Variants in ESPL1 observed in about 807,000 individuals in gnomAD.
The protein encoded by ESPL1 is separin.
A neutral mutation model predicts 217.2 loss-of-function variants in ESPL1; 50 were observed. The ratio of observed to expected loss-of-function variants is 0.23; its 90% confidence interval spans 0.18 to 0.29. The LOEUF is 0.29. ESPL1 is among the 10% of genes least tolerant of loss of function. ESPL1 has a pLI of 1.00. For missense variants in ESPL1, 1,834 were observed against 2,603.0 expected (o/e 0.70, Z 6.43); for synonymous variants, 994 against 1,081.3 (o/e 0.92, Z 1.58).
At chr12:53,276,118 G>A (rs1016598440) in intron 7 of ESPL1, among the ~76,000 whole-genome samples, 1 of 152,072 alleles carries the variant, frequency 6.6e-6, no homozygotes, top group Admixed American at 6.6e-5. Context: ...TGAAGTGGGA[G>A]GATCACATGA....
rs747596302 is a variant in ESPL1 at position 53,289,441 on chromosome 12, G to A, written c.4960G>A (p.Asp1654Asn). 6.2e-7 allele frequency: 1 copy of A among 1,614,084 alleles called. No homozygotes were observed. Among genetic ancestry groups the A allele is most frequent in the African/African-American group, 1.3e-5 (1 of 75,074 alleles). The stretch of plus-strand genomic sequence containing the variant: ...GCACCGAGGATCACTTGAAATAGCA[G>A]ACCAGCTGCAGGGGCTGAGCCTTCA... ...QKHRGSLEIA[D>N]QLQGLSLQEM... Residue 1654 changes from aspartate (D) to asparagine (N), a missense_variant, in exon 22 of 31, where the codon GAC becomes AAC. Physicochemically the swap from Asp to Asn is conservative, Grantham distance 23. Transcript: ENST00000257934.
rs1944088348 is a variant in ESPL1 at position 53,292,961 on chromosome 12, T to C, written c.6152T>C (p.Met2051Thr). 6.2e-7 allele frequency: 1 copy of C among 1,613,324 alleles called. No homozygotes were observed. The highest frequency in any genetic ancestry group is 8.5e-7 in the Non-Finnish European group (1 of 1,179,866). ...EGAGIVLKYI[M>T]AGCPLFLGNL... ...GCTGGCATCGTGCTCAAGTACATCA[T>C]GGCTGGTTGGTGAGTCTCCAAGGGC... Residue 2051 changes from methionine (M) to threonine (T), a missense_variant, in exon 30 of 31, where the codon ATG becomes ACG. Physicochemically the swap from Met to Thr is moderately conservative, Grantham distance 81 (BLOSUM62 -1). Transcript: ENST00000257934. The surrounding 1 kb of genome is among the most constrained non-coding windows in gnomAD (Gnocchi z 4.5).
rs1260204621 is a variant in ESPL1, at chr12:53,276,622, C to G, written c.1703C>G (p.Thr568Ser). The G allele has an allele frequency of 6.2e-7, 1 of 1,608,504 alleles. No individual in the cohort carries two copies. The highest frequency in any genetic ancestry group is 8.5e-7 in the Non-Finnish European group (1 of 1,177,994). The change falls in exon 8 of 31, where the codon ACT becomes AGT. Residue 568 changes from threonine (T) to serine (S), a missense_variant and splice_region_variant. Thr to Ser is a moderately conservative substitution (Grantham distance 58). This residue lies in a region of ESPL1 where 746 missense variants were observed against 1,077.0 expected (regional missense o/e 0.69). Coordinates refer to ENST00000257934, the MANE Select transcript of ESPL1 (RefSeq NM_012291.5). Reference protein sequence around the residue: ...RAGDKELQLKTLRDSLSGWDP... With the variant: ...RAGDKELQLKSLRDSLSGWDP... ...GTGCTGAGCATGCCCTCTCTCAGGA[C>G]TCTGCGAGACAGCCTCAGTGGCTGG...
chr12:53,289,959 T>TGACCTC, intron 22 of ESPL1, 126 bp from the exon 23 acceptor site: 1 of 1,036,452 alleles, frequency 9.6e-7, no homozygotes, highest in Non-Finnish European at 1.4e-6. Flanking sequence ...GAGAGCACCT[T>TGACCTC]GACCTCTAGT....
chr12:53,278,643 G>A (rs1943811916), intron 11 of ESPL1, among the ~76,000 whole-genome samples: 1 of 149,258 alleles, frequency 6.7e-6, no homozygotes, highest in South Asian at 2.1e-4. Flanking sequence ...CCAGGCTGGA[G>A]TGCAGTGGCG....
chr12:53,278,894 C>T (rs962350487), intron 11 of ESPL1, among the ~76,000 whole-genome samples: 3 of 151,370 alleles, frequency 2.0e-5, no homozygotes, highest in East Asian at 2.0e-4. Context: ...CTTTCCGCCC[C>T]GCCCCCCCGC....
rs1943780736 is a variant in ESPL1, at chr12:53,277,136, C to T, written c.1994C>T (p.Pro665Leu). ...EALQLLDSVR[P>L]EAQARDQLLD... ...CTGCAGCTTCTGGACTCTGTGAGGC[C>T]TGAGGCCCAGGCCAGAGATCAGCTT... Residue 665 changes from proline (P) to leucine (L), a missense_variant, in exon 9 of 31, where the codon CCT becomes CTT. Pro to Leu is a moderately conservative substitution (Grantham distance 98). Transcript: ENST00000257934. The T allele has an allele frequency of 1.2e-6, 2 of 1,614,042 alleles. No individual in the cohort carries two copies. Among genetic ancestry groups the T allele is most frequent in the Non-Finnish European group, 8.5e-7 (1 of 1,179,990 alleles).
chr12:53,268,910 C>T, intron 2 of ESPL1, 63 bp downstream of exon 2: 2 of 1,524,034 alleles, frequency 1.3e-6, no homozygotes, highest in Non-Finnish European at 1.8e-6. Flanking sequence ...TTGTGTTTGC[C>T]TTTTGAAGAG....
In ESPL1 at chr12:53,292,564, T is replaced by C. The variant is rs1224059385; in HGVS notation, c.5913-10T>C. ...ATTTCCCTATTCTCACACCTGCCTT[T>C]TCCCTGCAGTGAAGCTGGCTGGAGA... is the stretch of plus-strand genomic sequence containing the variant. On this transcript the variant is annotated splice_polypyrimidine_tract_variant and intron_variant, in intron 28 of 30. Transcript: ENST00000257934. This position sits in a 1 kb window ranked among gnomAD's most constrained non-coding sequence, Gnocchi z 4.5. 5 of 1,610,524 alleles carry C rather than the reference T, an allele frequency of 3.1e-6. No individual in the cohort carries two copies. The highest frequency in any genetic ancestry group is 3.4e-6 in the Non-Finnish European group (4 of 1,179,056).
rs528006780 is a variant in ESPL1, at chr12:53,282,575, A to C, written c.2791+140A>C. On this transcript the variant is annotated intron_variant, in intron 14 of 30. Transcript: ENST00000257934. The surrounding 1 kb of genome is among the most constrained non-coding windows in gnomAD (Gnocchi z 4.0). Reference sequence around the variant, plus strand: ...AACCTGCACAGAGTAGGCCTGGGATAGCAGATGGGTTTCAGTTTGCCTGCT... The same window carrying C: ...AACCTGCACAGAGTAGGCCTGGGATCGCAGATGGGTTTCAGTTTGCCTGCT... The C allele has an allele frequency of 1.3e-5, 9 of 716,382 alleles. No individual in the cohort carries two copies. The highest frequency in any genetic ancestry group is 3.6e-5 in the African/African-American group (2 of 56,316). 44.4% of individuals were successfully genotyped at this position (716,382 alleles called of 1,614,324 possible).
chr12:53,287,721 T>G, intron 18 of ESPL1: 1 of 385,008 alleles, frequency 2.6e-6, no homozygotes, highest in Non-Finnish European at 4.7e-6. Context: ...GACAGAGACA[T>G]TTTCCTTAAC....
Position 53,270,661 on chromosome 12 carries a change from CCTT to C in ESPL1, c.1249-13_1249-11del. On this transcript the variant is annotated splice_polypyrimidine_tract_variant and intron_variant, in intron 4 of 30. Transcript: ENST00000257934. ...CCAGCATGACTCCTCACTCTCAAAC[CCTT>C]CTTGTCCCTTCAGATAGTTGATTTG... 6.2e-7 allele frequency: 1 copy of C among 1,614,008 alleles called. No individual in the cohort carries two copies. Among genetic ancestry groups the C allele is most frequent in the Non-Finnish European group, 8.5e-7 (1 of 1,179,964 alleles).
chr12:53,292,977 C>A lies in ESPL1; in HGVS notation c.6161+7C>A. The stretch of plus-strand genomic sequence containing the variant: ...AGTACATCATGGCTGGTTGGTGAGT[C>A]TCCAAGGGCAAGACCCATCCTAGGG... On this transcript the variant is annotated splice_region_variant and intron_variant, in intron 30 of 30. Transcript: ENST00000257934. This position sits in a 1 kb window ranked among gnomAD's most constrained non-coding sequence, Gnocchi z 4.5. 6.2e-7 allele frequency: 1 copy of A among 1,611,430 alleles called. No homozygotes were observed. The highest frequency in any genetic ancestry group is 8.5e-7 in the Non-Finnish European group (1 of 1,179,120).
At chr12:53,273,015 G>C (rs1435527498) in intron 6 of ESPL1, among the ~76,000 whole-genome samples, 158 bp downstream of exon 6, 2 of 149,744 alleles carry the variant, frequency 1.3e-5, no homozygotes, top group East Asian at 2.0e-4. Flanking sequence ...TCACTGTACT[G>C]TTACTTACTG....
chr12:53,288,852 A>C, intron 20 of ESPL1, 153 bp downstream of exon 20: 1 of 744,606 alleles, frequency 1.3e-6, no homozygotes, highest in Non-Finnish European at 2.2e-6. Context: ...AGCTGTGTGC[A>C]GGTCACTTAA....
At position 53,286,211 on chromosome 12, in the gene ESPL1, G is replaced by C; in HGVS notation, c.3475G>C (p.Val1159Leu). 6.2e-7 allele frequency: 1 copy of C among 1,614,282 alleles called. No individual in the cohort carries two copies. The highest frequency in any genetic ancestry group is 8.5e-7 in the Non-Finnish European group (1 of 1,180,054). ...CTGCGCCAGCCCTGTCCTCACAGCAGTCTGTCTGCGCTGGGTATTGGTCAC... is the reference window on the plus strand; with the variant it reads ...CTGCGCCAGCCCTGTCCTCACAGCACTCTGTCTGCGCTGGGTATTGGTCAC... The part of the protein sequence containing the change: ...SLCASPVLTA[V>L]CLRWVLVTAG... The change falls in exon 18 of 31, where the codon GTC (valine) becomes CTC (leucine). Residue 1159 changes from valine to leucine, a missense_variant. Val to Leu is a conservative substitution (Grantham distance 32). Transcript: ENST00000257934. The surrounding 1 kb of genome is among the most constrained non-coding windows in gnomAD (Gnocchi z 5.3).
chr12:53,269,106 G>A lies in ESPL1; in HGVS notation c.164G>A (p.Arg55Lys). The A allele has an allele frequency of 6.2e-7, 1 of 1,614,138 alleles. No homozygotes were observed. The highest frequency in any genetic ancestry group is 8.5e-7 in the Non-Finnish European group (1 of 1,180,038). ...ERRQACDAIL[R>K]ACNQQLTAKL... The stretch of plus-strand genomic sequence containing the variant: ...AGACAAGCTTGTGATGCCATCCTGA[G>A]GGCTTGCAACCAGCAGCTGACTGCT... Residue 55 changes from arginine to lysine, a missense_variant, in exon 3 of 31, where the codon AGG becomes AAG. Physicochemically the swap from Arg to Lys is conservative, Grantham distance 26 (BLOSUM62 2). This residue lies in a region of ESPL1 where 746 missense variants were observed against 1,077.0 expected (regional missense o/e 0.69). Transcript: ENST00000257934. This position sits in a 1 kb window ranked among gnomAD's most constrained non-coding sequence, Gnocchi z 6.7.
chr12:53,271,270 C>G (rs1943668692), intron 5 of ESPL1, among the ~76,000 whole-genome samples: 1 of 149,130 alleles, frequency 6.7e-6, no homozygotes, highest in African/African-American at 2.5e-5. Flanking sequence ...ACCTCCCAGG[C>G]TCAAGCGATC....
intron 6 of ESPL1, among the ~76,000 whole-genome samples, chr12:53,273,868 G>T (rs1481120777): frequency 3.7e-5 from 2 of 53,964 alleles, no homozygotes; most frequent in Non-Finnish European, 3.3e-5. Flanking sequence ...TTTTTTTTTG[G>T]AGACTGAGTC....
Sources: gnomAD v4.1 joint callset for allele counts (sites outside exome capture counted in the v4.1 genomes callset) on GRCh38, gnomAD v4.1.1 for gene constraint, gnomAD v4.1.1 regional missense constraint, Gnocchi (gnomAD v3.1) non-coding constraint, MANE v1.5 for transcripts, NCBI Gene and HGNC (gene_info 2026-07-23, HGNC 2026-07-21) for gene names.